The following ABL2 variants were observed in gnomAD, a reference collection of about 807,000 sequenced individuals.
ABL2 encodes the protein ABL proto-oncogene 2, non-receptor tyrosine kinase.
In ABL2, 49 loss-of-function variants were observed where a neutral mutation model predicts 107.7. The ratio of observed to expected loss-of-function variants is 0.45; its 90% CI spans 0.36 to 0.58. The LOEUF (loss-of-function observed/expected upper bound fraction) is 0.58, where lower values mean the gene tolerates loss of function less well. Ranked by LOEUF, ABL2 falls within the 20% of genes least tolerant of loss-of-function variation. The probability of loss-of-function intolerance (pLI) is 0.00; values close to 1 mark genes in which losing one functional copy is unlikely to be tolerated. For synonymous variants in ABL2, 549 were observed against 548.6 expected (o/e 1.00, Z -0.01); for missense variants, 1,245 against 1,457.0 (o/e 0.85, Z 2.37).
At chr1:179,224,298 GCT>G (rs905378301) in intron 1 of ABL2, among the ~76,000 whole-genome samples, 44 of 152,064 alleles carry the variant, frequency 2.9e-4, no homozygotes, top group Non-Finnish European at 3.8e-4. Context: ...ACGGAGTCTT[GCT>G]CTGTCGCCCA....
intron 1 of ABL2, among the ~76,000 whole-genome samples, chr1:179,191,706 G>A (rs1404597913): frequency 5.9e-5 from 9 of 152,154 alleles, no homozygotes; most frequent in Admixed American, 5.9e-4. Context: ...TTACAGGCAT[G>A]AGCCACCTTG....
rs1473683643 is a variant in ABL2, at chr1:179,114,905, G to A, written c.1534C>T (p.Pro512Ser). Residue 512 changes from proline to serine, a missense_variant, in exon 9 of 12, where the codon CCT becomes TCT. Pro to Ser is a moderately conservative substitution (Grantham distance 74). Around this residue, in one of 3 missense-constraint regions of ABL2, gnomAD observed 320 missense variants for 547.0 expected, o/e 0.59. Coordinates refer to ENST00000502732, the MANE Select transcript of ABL2 (RefSeq NM_007314.4). ...YRMEQPEGCP[P>S]KVYELMRACW... ...GCTCTCATAAGTTCATAAACCTTAG[G>A]GGGGCATCCCTCAGGCTGTTCCATT... is the stretch of plus-strand genomic sequence containing the variant. 1 of 1,609,164 alleles carries A rather than the reference G, an allele frequency of 6.2e-7. No individual in the cohort carries two copies. Among genetic ancestry groups the A allele is most frequent in the Non-Finnish European group, 8.5e-7 (1 of 1,178,184 alleles).
At position 179,152,437 on chromosome 1, in the gene ABL2, C is replaced by T. The variant is rs1658416886; in HGVS notation, c.158-19063G>A. Among the ~76,000 whole-genome samples, 8 of 152,232 alleles carry T rather than the reference C, an allele frequency of 5.3e-5. No individual in the cohort carries two copies. The South Asian group carries it at 1.7e-3, about 32-fold the overall frequency. On this transcript the variant is annotated intron_variant, in intron 1 of 11. Transcript: ENST00000502732. The stretch of plus-strand genomic sequence containing the variant: ...TCATCTTGTTACATTTCCTGTGAAC[C>T]TTCAGAAACCAACTCCCTGAAGAGG...
chr1:179,164,195 G>A (rs758358329), intron 1 of ABL2, among the ~76,000 whole-genome samples: 12 of 152,116 alleles, frequency 7.9e-5, no homozygotes, highest in Non-Finnish European at 1.5e-4. Flanking sequence ...ACTGTGTGAC[G>A]ATTTTTTAAA....
rs776258704 is a variant in ABL2 at position 179,108,041 on chromosome 1, C to T, written c.3226G>A (p.Ala1076Thr). ...ATTTTGTCTGCTGAGATTTTCTCAG[C>T]GGCCTGTTTGGTTTTTCTCAGAGCC... is the stretch of plus-strand genomic sequence containing the variant. The part of the protein sequence containing the change: ...KVALRKTKQA[A>T]EKISADKISK... The change falls in exon 12 of 12, where the codon GCT becomes ACT. Residue 1076 changes from alanine (A) to threonine (T), a missense_variant. Physicochemically the swap from Ala to Thr is moderately conservative, Grantham distance 58 (BLOSUM62 0). Around this residue, in one of 3 missense-constraint regions of ABL2, gnomAD observed 761 missense variants for 766.4 expected, o/e 0.99. Coordinates refer to ENST00000502732, the MANE Select transcript of ABL2 (RefSeq NM_007314.4). The T allele has an allele frequency of 2.2e-5, 35 of 1,614,092 alleles. No individual in the cohort carries two copies. The highest frequency in any genetic ancestry group is 6.6e-5 in the South Asian group (6 of 91,090).
chr1:179,191,283 T>C (rs922768130), intron 1 of ABL2, among the ~76,000 whole-genome samples: 3 of 152,188 alleles, frequency 2.0e-5, no homozygotes, highest in Non-Finnish European at 4.4e-5. Context: ...TTCTGCCAGC[T>C]ATAAGGTAAT....
At chr1:179,183,084 G>A (rs546217987) in intron 1 of ABL2, among the ~76,000 whole-genome samples, 47 of 151,964 alleles carry the variant, frequency 3.1e-4, no homozygotes, top group African/African-American at 1.1e-3. Flanking sequence ...GCAAGATCAC[G>A]GCTCACTGCA....
chr1:179,130,625 T>G (rs527335776), intron 3 of ABL2, among the ~76,000 whole-genome samples: 1 of 152,218 alleles, frequency 6.6e-6, no homozygotes, highest in East Asian at 1.9e-4. Flanking sequence ...TGATTTCCAT[T>G]ATAGTAATAT....
intron 1 of ABL2, chr1:179,137,936 T>A (rs1657194144): frequency 6.6e-6 from 1 of 152,220 alleles, no homozygotes; most frequent in African/African-American, 2.4e-5. Context: ...GATGATTGAT[T>A]AAACTGATGC....
chr1:179,133,484 C>G (rs769613771), intron 1 of ABL2, 110 bp from the exon 2 acceptor site: 29 of 1,549,122 alleles, frequency 1.9e-5, no homozygotes, highest in Non-Finnish European at 2.5e-5. Flanking sequence ...ATGATCAGGT[C>G]TCTACCTACT....
At chr1:179,150,238 GA>G (rs1301051035) in intron 1 of ABL2, among the ~76,000 whole-genome samples, 1 of 152,090 alleles carries the variant, frequency 6.6e-6, no homozygotes, top group Non-Finnish European at 1.5e-5. Flanking sequence ...TCTCAAAAAT[GA>G]AACAAAACAT....
At chr1:179,130,776 G>A (rs114267600) in intron 3 of ABL2, among the ~76,000 whole-genome samples, 2,835 of 145,530 alleles carry the variant, frequency 0.019, 46 homozygotes, top group Admixed American at 0.03. Flanking sequence ...ACGCACACAC[G>A]CATGCAAAGG....
At chr1:179,195,925 A>G (rs939838380) in intron 1 of ABL2, among the ~76,000 whole-genome samples, 30 of 152,250 alleles carry the variant, frequency 2.0e-4, no homozygotes, top group African/African-American at 7.2e-4. Context: ...GCAGAGCTTC[A>G]GTCTGGAAGA....
intron 1 of ABL2, among the ~76,000 whole-genome samples, chr1:179,153,118 A>G (rs1658464576): frequency 6.6e-6 from 1 of 152,204 alleles, no homozygotes; most frequent in East Asian, 1.9e-4. Flanking sequence ...AAGAGTGGCA[A>G]TAATTGTAAG....
chr1:179,187,031 C>A (rs1660716042), intron 1 of ABL2, among the ~76,000 whole-genome samples: 1 of 152,158 alleles, frequency 6.6e-6, no homozygotes, highest in Non-Finnish European at 1.5e-5. Flanking sequence ...CACGCCCGGC[C>A]CCATTACCAT....
intron 2 of ABL2, among the ~76,000 whole-genome samples, chr1:179,132,125 G>A (rs915464123): frequency 2.0e-5 from 3 of 152,058 alleles, no homozygotes; most frequent in African/African-American, 4.8e-5. Flanking sequence ...AAATGTGGCC[G>A]CACCCGGCCT....
chr1:179,108,608 C>G lies in ABL2; in HGVS notation c.2659G>C (p.Ala887Pro), dbSNP rs1263252330. 1 of 1,614,098 alleles carries G rather than the reference C, an allele frequency of 6.2e-7. No individual in the cohort carries two copies. The highest frequency in any genetic ancestry group is 2.2e-5 in the East Asian group (1 of 44,868). ...CCATTCTTCTCTTTACCCTTGGGGG[C>G]AGCTGCCACTCCAGCCACTCCCACC... ...PGVGVAGVAA[A>P]PKGKEKNGGA... Residue 887 changes from alanine to proline, a missense_variant, in exon 12 of 12, where the codon GCC becomes CCC. Around this residue, in one of 3 missense-constraint regions of ABL2, gnomAD observed 761 missense variants for 766.4 expected, o/e 0.99. Transcript: ENST00000502732.
intron 1 of ABL2, among the ~76,000 whole-genome samples, chr1:179,187,960 A>T (rs1475420345): frequency 6.6e-6 from 1 of 152,174 alleles, no homozygotes; most frequent in Non-Finnish European, 1.5e-5. Flanking sequence ...CTACATAACC[A>T]GTCATCAGCA....
intron 1 of ABL2, among the ~76,000 whole-genome samples, chr1:179,210,223 C>G (rs182342609): frequency 6.6e-6 from 1 of 152,018 alleles, no homozygotes; most frequent in Admixed American, 6.6e-5. Context: ...AAAACAACAC[C>G]GGCCAGGTGC....
Sources: allele counts gnomAD v4.1 joint callset (sites outside exome capture counted in the v4.1 genomes callset), GRCh38; gene constraint gnomAD v4.1.1; regional missense constraint gnomAD v4.1.1; transcripts MANE v1.5; gene names NCBI Gene and HGNC (gene_info 2026-07-23, HGNC 2026-07-21).